COL24A1: variants seen among roughly 807,000 people sequenced by gnomAD.
The protein encoded by COL24A1 is collagen type XXIV alpha 1 chain, also known as collagen alpha-1(XXIV) chain.
Under a neutral mutation model 253.9 loss-of-function variants are expected in COL24A1, and 224 were observed. The ratio of observed to expected loss-of-function variants is 0.88; its 90% CI spans 0.79 to 0.99. COL24A1 has a LOEUF of 0.99. Among genes scored for constraint, COL24A1 ranks in the 50% least tolerant of loss-of-function variants. COL24A1 has a pLI of 0.00. For synonymous variants in COL24A1, 685 were observed against 673.7 expected (o/e 1.02, Z -0.26); for missense variants, 2,131 against 2,068.5 (o/e 1.03, Z -0.59).
intron 53 of COL24A1, among the ~76,000 whole-genome samples, chr1:85,762,344 C>T (rs752050433): frequency 1.3e-5 from 2 of 152,088 alleles, no homozygotes; most frequent in Admixed American, 6.6e-5. Context: ...AGCTGTTAAT[C>T]CTAAATATAC....
At chr1:85,771,948 C>T (rs1456443112) in intron 53 of COL24A1, among the ~76,000 whole-genome samples, 30 of 127,772 alleles carry the variant, frequency 2.3e-4, no homozygotes, top group Admixed American at 1.3e-3. Flanking sequence ...ATCCCTCCCC[C>T]GTACCCCCAC....
intron 55 of COL24A1, among the ~76,000 whole-genome samples, chr1:85,755,015 A>C (rs1432619867): frequency 6.6e-6 from 1 of 152,186 alleles, no homozygotes; most frequent in African/African-American, 2.4e-5. Flanking sequence ...TAATCAAACT[A>C]TCTAATGCTA....
intron 26 of COL24A1, among the ~76,000 whole-genome samples, chr1:85,909,075 G>C (rs899980783): frequency 2.6e-5 from 4 of 151,634 alleles, no homozygotes; most frequent in African/African-American, 9.7e-5. Flanking sequence ...ATGTAAATGT[G>C]TACAAATATT....
chr1:85,820,461 A>T (rs1213097125), intron 45 of COL24A1, among the ~76,000 whole-genome samples: 3 of 152,210 alleles, frequency 2.0e-5, no homozygotes, highest in African/African-American at 7.2e-5. Flanking sequence ...TGCACATGCC[A>T]GCATAGGTCA....
intron 57 of COL24A1, among the ~76,000 whole-genome samples, chr1:85,744,007 G>A (rs1441125231): frequency 6.6e-6 from 1 of 152,046 alleles, no homozygotes; most frequent in Non-Finnish European, 1.5e-5. Flanking sequence ...TTTCACATCA[G>A]CACTTTTCAA....
At position 85,847,675 on chromosome 1, in the gene COL24A1, C is replaced by T; in HGVS notation, c.3452G>A (p.Arg1151Lys). Residue 1151 changes from arginine to lysine, a missense_variant, in exon 39 of 60, where the codon AGA (arginine) becomes AAA (lysine). Physicochemically the swap from Arg to Lys is conservative, Grantham distance 26. Transcript: ENST00000370571. The stretch of plus-strand genomic sequence containing the variant: ...AAGTCAAATACTGACCACAGCACCT[C>T]TAGTTCCTCTGGCACCCTTAGGACC... The part of the protein sequence containing the change: ...KSGPKGARGT[R>K]GAVGHLGLMG... The T allele has an allele frequency of 6.2e-7, 1 of 1,613,126 alleles. No individual in the cohort carries two copies. The highest frequency in any genetic ancestry group is 8.5e-7 in the Non-Finnish European group (1 of 1,179,280).
intron 12 of COL24A1, among the ~76,000 whole-genome samples, chr1:86,039,007 CTTAAT>C (rs1416346285): frequency 6.6e-6 from 1 of 152,156 alleles, no homozygotes; most frequent in African/African-American, 2.4e-5. Flanking sequence ...AAACCACCAA[CTTAAT>C]TTGTTTCATA....
At chr1:86,088,608 C>T (rs1419688356) in intron 7 of COL24A1, among the ~76,000 whole-genome samples, 1 of 152,132 alleles carries the variant, frequency 6.6e-6, no homozygotes, top group African/African-American at 2.4e-5. Flanking sequence ...ATGAACATGA[C>T]TACTGTTTTT....
intron 52 of COL24A1, among the ~76,000 whole-genome samples, chr1:85,776,010 C>A (rs961443862): frequency 1.3e-5 from 2 of 152,108 alleles, no homozygotes; most frequent in African/African-American, 4.8e-5. Flanking sequence ...CAATCATATA[C>A]AAAGCAATTT....
In COL24A1 at chr1:86,120,323, G is replaced by A. The variant is rs1051104534; in HGVS notation, c.1491+4522C>T. ...AATTAAACTCAAGAGCTTCTGCACAGCAAAAGAAACTACCATCAGAGCGAA... is the reference window on the plus strand; with the variant it reads ...AATTAAACTCAAGAGCTTCTGCACAACAAAAGAAACTACCATCAGAGCGAA... On this transcript the variant is annotated intron_variant, in intron 3 of 59. Transcript: ENST00000370571. 3.9e-5 allele frequency among the ~76,000 whole-genome samples: 6 copies of A among 152,170 alleles called. 1 individual carries two copies. The highest frequency in any genetic ancestry group is 3.9e-4 in the Admixed American group (6 of 15,274).
rs973049779 is a variant in COL24A1, at chr1:86,120,188, C to T, written c.1491+4657G>A. On this transcript the variant is annotated intron_variant, in intron 3 of 59. Transcript: ENST00000370571. Reference sequence around the variant, plus strand: ...ATGTTAGACCTAAAACCATAAAAATCCTAGAAGAAAACTTAGGCAATACCA... The same window carrying T: ...ATGTTAGACCTAAAACCATAAAAATTCTAGAAGAAAACTTAGGCAATACCA... 4.6e-5 allele frequency among the ~76,000 whole-genome samples: 7 copies of T among 152,258 alleles called. No homozygotes were observed. The South Asian group carries it at 8.3e-4, about 18-fold the overall frequency.
intron 20 of COL24A1, among the ~76,000 whole-genome samples, chr1:85,973,917 C>T (rs995876196): frequency 6.6e-6 from 1 of 152,090 alleles, no homozygotes; most frequent in African/African-American, 2.4e-5. Context: ...AAGGCATTTA[C>T]CAGCCCAAAA....
chr1:86,022,402 C>T (rs1697629605), intron 17 of COL24A1, 109 bp from the exon 18 acceptor site: 24 of 1,366,596 alleles, frequency 1.8e-5, no homozygotes, highest in Non-Finnish European at 2.4e-5. Flanking sequence ...AATATTGAGA[C>T]AAAAGTTTCA....
At chr1:85,859,841 A>AT (rs1374832895) in intron 37 of COL24A1, among the ~76,000 whole-genome samples, 7 of 152,102 alleles carry the variant, frequency 4.6e-5, no homozygotes, top group Admixed American at 3.9e-4. Context: ...GAAGAATGCT[A>AT]TTTTTTTGGT....
chr1:85,878,401 C>G (rs1311878427), intron 32 of COL24A1, among the ~76,000 whole-genome samples: 1 of 152,204 alleles, frequency 6.6e-6, no homozygotes, highest in East Asian at 1.9e-4. Flanking sequence ...CCTCAAAGAT[C>G]CTGCCCTATA....
At chr1:85,834,928 A>G (rs1311296915) in intron 43 of COL24A1, among the ~76,000 whole-genome samples, 2 of 152,202 alleles carry the variant, frequency 1.3e-5, no homozygotes, top group African/African-American at 4.8e-5. Context: ...AAATAGCTGT[A>G]CATATTTTAT....
chr1:85,734,949 C>T lies in COL24A1; in HGVS notation c.4798G>A (p.Gly1600Arg). ...TGAAGGAAGTTCATCTGGACTTTCC[C>T]AACTCCAAACTCCAACTAATGTCAT... ...VSVTKLEFGV[G>R]KVQMNFLHLL... The change falls in exon 59 of 60, where the codon GGG (glycine) becomes AGG (arginine). Residue 1600 changes from glycine (G) to arginine (R), a missense_variant. Physicochemically the swap from Gly to Arg is moderately radical, Grantham distance 125. Coordinates refer to ENST00000370571, the MANE Select transcript of COL24A1 (RefSeq NM_152890.7). The T allele has an allele frequency of 6.2e-7, 1 of 1,614,096 alleles. No individual in the cohort carries two copies. The highest frequency in any genetic ancestry group is 8.5e-7 in the Non-Finnish European group (1 of 1,179,976).
intron 24 of COL24A1, among the ~76,000 whole-genome samples, chr1:85,923,416 G>T (rs1686773243): frequency 6.6e-6 from 1 of 152,078 alleles, no homozygotes; most frequent in Non-Finnish European, 1.5e-5. Flanking sequence ...CCACATAGTT[G>T]GAAGTAAAGC....
chr1:86,100,989 T>A (rs1028429951), intron 5 of COL24A1, among the ~76,000 whole-genome samples: 7 of 152,004 alleles, frequency 4.6e-5, no homozygotes, highest in Non-Finnish European at 1.0e-4. Flanking sequence ...AAATATTGAA[T>A]CTGAGAGGAT....
Sources: gnomAD v4.1 joint callset for allele counts (sites outside exome capture counted in the v4.1 genomes callset) on GRCh38, gnomAD v4.1.1 for gene constraint, MANE v1.5 for transcripts, NCBI Gene and HGNC (gene_info 2026-07-23, HGNC 2026-07-21) for gene names.